The following NUP37 variants were observed in gnomAD, a reference collection of about 807,000 sequenced individuals.
The protein encoded by NUP37 is nucleoporin Nup37.
A neutral mutation model predicts 45.4 loss-of-function variants in NUP37; 33 were observed. The observed-to-expected ratio is 0.73, with a 90% confidence interval of 0.55 to 0.97. The LOEUF (loss-of-function observed/expected upper bound fraction) is 0.97, where lower values mean the gene tolerates loss of function less well. NUP37 is among the 50% of genes least tolerant of loss of function. The pLI is 0.00. For synonymous variants in NUP37, 127 were observed against 130.7 expected (o/e 0.97, Z 0.19); for missense variants, 365 against 389.7 (o/e 0.94, Z 0.53).
rs1879091531 is a variant in NUP37 at position 102,073,691 on chromosome 12, A to T, written c.*663T>A. On this transcript the variant is annotated 3_prime_UTR_variant, in exon 10 of 10. Transcript: ENST00000552283. ...CCCTAAGATATTTTTTTCTCCTTGG[A>T]TTTTTTTTCTTTTGAGATAGTCTCG... 1 of 151,768 alleles carries T rather than the reference A, an allele frequency of 6.6e-6. No individual in the cohort carries two copies. Among genetic ancestry groups the T allele is most frequent in the African/African-American group, 2.4e-5 (1 of 41,302 alleles). 9.4% of individuals were successfully genotyped at this position (151,768 alleles called of 1,614,324 possible). A position where few individuals can be genotyped will look rare whatever the true frequency, so the allele number is the denominator to read the frequency against.
At chr12:102,102,689 T>C (rs1396667271) in intron 3 of NUP37, among the ~76,000 whole-genome samples, 2 of 152,212 alleles carry the variant, frequency 1.3e-5, no homozygotes, top group Non-Finnish European at 2.9e-5. Flanking sequence ...GAGATTAATG[T>C]TGTGAAGCTT....
At chr12:102,107,550 C>A (rs927873766) in intron 3 of NUP37, among the ~76,000 whole-genome samples, 1 of 152,166 alleles carries the variant, frequency 6.6e-6, no homozygotes, top group Admixed American at 6.5e-5. Flanking sequence ...CAAGTGTGCA[C>A]ATGGACATTA....
At chr12:102,090,872 G>T (rs1879630445) in intron 5 of NUP37, among the ~76,000 whole-genome samples, 1 of 152,100 alleles carries the variant, frequency 6.6e-6, no homozygotes, top group East Asian at 1.9e-4. Flanking sequence ...AATAAGGCAG[G>T]TAGGCATTCT....
chr12:102,084,902 A>ATGGCTCC, intron 6 of NUP37, among the ~76,000 whole-genome samples: 2 of 152,322 alleles, frequency 1.3e-5, no homozygotes, highest in Non-Finnish European at 2.9e-5. Flanking sequence ...TTCTTGTTTA[A>ATGGCTCC]TGGCTCCTAA....
At chr12:102,087,875 A>C (rs1385580798) in intron 5 of NUP37, among the ~76,000 whole-genome samples, 5 of 152,220 alleles carry the variant, frequency 3.3e-5, no homozygotes, top group African/African-American at 1.2e-4. Context: ...TAAAAATATT[A>C]AATAAAAACT....
chr12:102,081,071 C>A (rs75232693), intron 6 of NUP37, among the ~76,000 whole-genome samples: 1 of 152,072 alleles, frequency 6.6e-6, no homozygotes, highest in African/African-American at 2.4e-5. Flanking sequence ...CTTGGGCAAA[C>A]GGCTTACCTT....
At chr12:102,103,099 A>G (rs1037033272) in intron 3 of NUP37, among the ~76,000 whole-genome samples, 1 of 152,134 alleles carries the variant, frequency 6.6e-6, no homozygotes, top group African/African-American at 2.4e-5. Context: ...TTTCATATAA[A>G]TTTTTTAATT....
intron 7 of NUP37, 200 bp downstream of exon 7, chr12:102,077,122 T>C (rs929477759): frequency 3.1e-6 from 2 of 635,244 alleles, no homozygotes; most frequent in Non-Finnish European, 5.5e-6. Flanking sequence ...TTTTGCACTG[T>C]CCTTTCTGGG....
At chr12:102,088,968 C>T (rs1213393276) in intron 5 of NUP37, among the ~76,000 whole-genome samples, 1 of 151,972 alleles carries the variant, frequency 6.6e-6, no homozygotes, top group Non-Finnish European at 1.5e-5. Context: ...CTTGCACCAC[C>T]CTTAATCCAT....
At chr12:102,119,767 C>T (rs1387486921) in intron 1 of NUP37, among the ~76,000 whole-genome samples, 1 of 152,174 alleles carries the variant, frequency 6.6e-6, no homozygotes, top group Non-Finnish European at 1.5e-5. Context: ...TTGTTCCGTC[C>T]CTACACCTAC....
intron 4 of NUP37, among the ~76,000 whole-genome samples, chr12:102,099,968 G>A (rs554516600): frequency 6.6e-6 from 1 of 151,502 alleles, no homozygotes; most frequent in South Asian, 2.1e-4. Context: ...TCACTATGTA[G>A]AAATGTAATA....
chr12:102,079,154 G>C (rs1488376645), intron 6 of NUP37: 5 of 450,952 alleles, frequency 1.1e-5, no homozygotes, highest in Non-Finnish European at 2.2e-5. Context: ...GTGGGATTTG[G>C]CATCAAAACT....
At chr12:102,108,504 G>C (rs570960593) in intron 3 of NUP37, among the ~76,000 whole-genome samples, 2 of 152,206 alleles carry the variant, frequency 1.3e-5, no homozygotes. Context: ...CTTATTGTGG[G>C]ACTTCATCTT....
chr12:102,106,781 T>G, intron 3 of NUP37, among the ~76,000 whole-genome samples: 1 of 152,174 alleles, frequency 6.6e-6, no homozygotes, highest in South Asian at 2.1e-4. Context: ...CTGGCCCAAC[T>G]TCCCCACAGA....
Position 102,101,222 on chromosome 12 carries a change from C to T in NUP37, c.282-118G>A, listed in dbSNP as rs370324486. 22 of 525,588 alleles carry T rather than the reference C, an allele frequency of 4.2e-5. 1 individual carries two copies. Among genetic ancestry groups the T allele is most frequent in the Admixed American group, 7.9e-5 (2 of 25,326 alleles). 32.6% of individuals were successfully genotyped at this position (525,588 alleles called of 1,614,324 possible). On this transcript the variant is annotated intron_variant, in intron 3 of 9. Transcript: ENST00000552283. ...GCTTTTATCATAACTCATAATCATG[C>T]TTTTTATGGAGGGGGAAAGAAGAAT...
chr12:102,079,554 T>C (rs752647571), intron 6 of NUP37, among the ~76,000 whole-genome samples: 1 of 152,212 alleles, frequency 6.6e-6, no homozygotes, highest in East Asian at 1.9e-4. Flanking sequence ...TTTAAAGATA[T>C]CTTACTTAAT....
At chr12:102,110,055 T>A (rs956440621) in intron 3 of NUP37, among the ~76,000 whole-genome samples, 6 of 152,164 alleles carry the variant, frequency 3.9e-5, no homozygotes, top group Non-Finnish European at 7.4e-5. Context: ...TAAATATCGG[T>A]AAAGGCTTCT....
At chr12:102,089,397 C>CT (rs1163569355) in intron 5 of NUP37, among the ~76,000 whole-genome samples, 2 of 139,510 alleles carry the variant, frequency 1.4e-5, no homozygotes, top group African/African-American at 5.5e-5. Flanking sequence ...ACATCCCAGA[C>CT]GGGGCAGCCG....
At chr12:102,114,450 G>A (rs556350644) in intron 2 of NUP37, among the ~76,000 whole-genome samples, 1 of 152,328 alleles carries the variant, frequency 6.6e-6, no homozygotes, top group East Asian at 1.9e-4. Flanking sequence ...GCCCGTGTGT[G>A]TGTGTGGTAT....
Sources: allele counts gnomAD v4.1 joint callset (sites outside exome capture counted in the v4.1 genomes callset), GRCh38; gene constraint gnomAD v4.1.1; transcripts MANE v1.5; gene names NCBI Gene and HGNC (gene_info 2026-07-23, HGNC 2026-07-21).